The following MALRD1 variants were observed in gnomAD, a reference collection of about 807,000 sequenced individuals.
MALRD1 encodes MAM and LDL receptor class A domain containing 1, also known as MAM and LDL-receptor class A domain-containing protein 1.
Under a neutral mutation model 242.1 loss-of-function variants are expected in MALRD1, and 247 were observed. The ratio of observed to expected loss-of-function variants is 1.02; its 90% CI spans 0.92 to 1.13. MALRD1 has a LOEUF of 1.13. Ranked by LOEUF, MALRD1 falls within the 50% of genes most tolerant of loss-of-function variation. MALRD1 has a pLI of 0.00. For missense variants in MALRD1, 2,989 were observed against 2,533.1 expected, an observed-to-expected ratio of 1.18 and a Z score of -3.86; for synonymous variants, 995 against 866.6, an observed-to-expected ratio of 1.15 and a Z score of -2.60.
chr10:19,531,449 C>G, intron 32 of MALRD1, 98 bp downstream of exon 32: 1 of 1,189,248 alleles, frequency 8.4e-7, no homozygotes, highest in Non-Finnish European at 1.1e-6. Flanking sequence ...TTGGTCACAC[C>G]GCCAGTGCTG....
intron 21 of MALRD1, among the ~76,000 whole-genome samples, chr10:19,314,540 T>G (rs1471757982): frequency 6.6e-6 from 1 of 151,726 alleles, no homozygotes; most frequent in Non-Finnish European, 1.5e-5. Context: ...AATACTTATG[T>G]AAATTTGAAG....
chr10:19,692,707 G>C (rs1343879225), intron 38 of MALRD1, among the ~76,000 whole-genome samples, 153 bp downstream of exon 38: 3 of 151,254 alleles, frequency 2.0e-5, no homozygotes, highest in African/African-American at 7.3e-5. Flanking sequence ...GGGCAGAAAA[G>C]AGGAGCTACC....
intron 28 of MALRD1, among the ~76,000 whole-genome samples, chr10:19,399,205 CTG>C (rs1846719889): frequency 6.6e-6 from 1 of 152,280 alleles, no homozygotes; most frequent in South Asian, 2.1e-4. Context: ...CACAACTAGT[CTG>C]TGTAGGAATC....
intron 26 of MALRD1, among the ~76,000 whole-genome samples, chr10:19,381,566 G>A (rs1179143536): frequency 1.3e-5 from 2 of 151,568 alleles, no homozygotes; most frequent in Admixed American, 1.3e-4. Context: ...GGTGGCTCAC[G>A]CTTGTAATCC....
At chr10:19,529,484 A>G (rs1436525531) in intron 31 of MALRD1, among the ~76,000 whole-genome samples, 1 of 148,444 alleles carries the variant, frequency 6.7e-6, no homozygotes, top group Non-Finnish European at 1.5e-5. Context: ...ATGTTAAGAG[A>G]GGATAAAAAC....
At chr10:19,206,292 T>C (rs1836780773) in intron 17 of MALRD1, among the ~76,000 whole-genome samples, 1 of 152,122 alleles carries the variant, frequency 6.6e-6, no homozygotes, top group Admixed American at 6.6e-5. Flanking sequence ...ATCAAAGGCA[T>C]ATCAAAGTCA....
At position 19,248,113 on chromosome 10, in the gene MALRD1, G is replaced by A. The variant is rs193219874; in HGVS notation, c.2992-9571G>A. ...GGCTGCTGTGATTGGCAGACAGTCG[G>A]TTACAAGAGTATACTCTTAGATTGC... On this transcript the variant is annotated intron_variant, in intron 18 of 39. Transcript: ENST00000454679. 5.9e-5 allele frequency among the ~76,000 whole-genome samples: 9 copies of A among 152,124 alleles called. No homozygotes were observed. In the East Asian group the frequency reaches 1.2e-3, roughly 20 times the overall value.
At chr10:19,210,712 C>A (rs1452640596) in intron 18 of MALRD1, among the ~76,000 whole-genome samples, 4 of 144,778 alleles carry the variant, frequency 2.8e-5, no homozygotes, top group Non-Finnish European at 6.1e-5. Flanking sequence ...TCTTCTAAGT[C>A]ATAGATGTAG....
At chr10:19,272,949 G>C (rs1340968690) in intron 19 of MALRD1, among the ~76,000 whole-genome samples, 2 of 152,098 alleles carry the variant, frequency 1.3e-5, no homozygotes, top group Non-Finnish European at 2.9e-5. Flanking sequence ...CATTTGGGTT[G>C]GTTCCAAATG....
chr10:19,330,714 A>G (rs1210395392), intron 23 of MALRD1, among the ~76,000 whole-genome samples: 1 of 152,208 alleles, frequency 6.6e-6, no homozygotes, highest in Non-Finnish European at 1.5e-5. Context: ...GATTCCTGTT[A>G]CTATTCTTCA....
At chr10:19,325,126 T>A (rs1054120764) in intron 22 of MALRD1, among the ~76,000 whole-genome samples, 8 of 148,702 alleles carry the variant, frequency 5.4e-5, no homozygotes, top group Admixed American at 1.4e-4. Context: ...AAAAAAAAAA[T>A]TCTCATCCCT....
chr10:19,244,671 C>A (rs951134679), intron 18 of MALRD1, among the ~76,000 whole-genome samples: 2 of 152,174 alleles, frequency 1.3e-5, no homozygotes, highest in Non-Finnish European at 2.9e-5. Context: ...TTGCTACTTG[C>A]ATTTTCTATG....
intron 36 of MALRD1, among the ~76,000 whole-genome samples, chr10:19,658,188 T>G (rs1350422057): frequency 6.6e-6 from 1 of 152,000 alleles, no homozygotes; most frequent in East Asian, 1.9e-4. Context: ...AATTTCAAAA[T>G]GTACAAGTCA....
At chr10:19,305,828 A>C (rs1007085163) in intron 21 of MALRD1, among the ~76,000 whole-genome samples, 14 of 137,572 alleles carry the variant, frequency 1.0e-4, no homozygotes, top group Admixed American at 3.2e-4. Context: ...TATATACTAT[A>C]TATACTATAT....
Position 19,547,814 on chromosome 10 carries a change from ATATATTT to A in MALRD1, c.5478+16465_5478+16471del, listed in dbSNP as rs1307338942. Among the ~76,000 whole-genome samples the A allele has an allele frequency of 2.2e-4, 3 of 13,910 alleles. No individual in the cohort carries two copies. In the East Asian group the frequency reaches 7.9e-3, roughly 36 times the overall value. 9.1% of individuals were successfully genotyped at this position (13,910 alleles called of 152,430 possible). A position where few individuals can be genotyped will look rare whatever the true frequency, so the allele number is the denominator to read the frequency against. ...TATATATATATATATATATATATAT[ATATATTT>A]TTTTTTTTTTTTTTTTTTTTTTTTT... is the stretch of plus-strand genomic sequence containing the variant. On this transcript the variant is annotated intron_variant, in intron 32 of 39. Coordinates refer to ENST00000454679, the MANE Select transcript of MALRD1 (RefSeq NM_001142308.3).
chr10:19,597,575 A>G (rs1277107579), intron 34 of MALRD1, among the ~76,000 whole-genome samples: 2 of 152,202 alleles, frequency 1.3e-5, no homozygotes, highest in African/African-American at 2.4e-5. Flanking sequence ...GTAAACTCAC[A>G]TTCATTCATT....
chr10:19,107,914 T>A (rs1309620364), intron 5 of MALRD1, among the ~76,000 whole-genome samples: 1 of 152,180 alleles, frequency 6.6e-6, no homozygotes, highest in Non-Finnish European at 1.5e-5. Context: ...AGAATTTTAC[T>A]GTCCTCCCAC....
intron 28 of MALRD1, among the ~76,000 whole-genome samples, chr10:19,444,157 C>T (rs1167472239): frequency 2.0e-5 from 3 of 151,972 alleles, no homozygotes; most frequent in African/African-American, 7.3e-5. Flanking sequence ...TTTCCATTTG[C>T]TTGGTAGATC....
intron 4 of MALRD1, among the ~76,000 whole-genome samples, chr10:19,102,011 T>A (rs1019260858): frequency 7.1e-6 from 1 of 140,330 alleles, no homozygotes; most frequent in African/African-American, 2.6e-5. Flanking sequence ...TATATCTATA[T>A]TATAATGTTT....
Sources: allele counts gnomAD v4.1 joint callset (sites outside exome capture counted in the v4.1 genomes callset), GRCh38; gene constraint gnomAD v4.1.1; transcripts MANE v1.5; gene names NCBI Gene and HGNC (gene_info 2026-07-23, HGNC 2026-07-21).